The following YIPF1 variants were observed in gnomAD, a reference collection of about 807,000 sequenced individuals.
The protein encoded by YIPF1 is Yip1 domain family member 1.
A neutral mutation model predicts 37.0 loss-of-function variants in YIPF1; 22 were observed. That is an observed-to-expected ratio of 0.59 (90% CI 0.42 to 0.85). YIPF1 has a LOEUF of 0.85. Ranked by LOEUF, YIPF1 falls within the 40% of genes least tolerant of loss-of-function variation. The pLI, the probability that YIPF1 is intolerant of heterozygous loss-of-function variation, is 0.00. For synonymous variants in YIPF1, 128 were observed against 131.9 expected (o/e 0.97, Z 0.21); for missense variants, 355 against 373.1 (o/e 0.95, Z 0.40).
intron 7 of YIPF1, among the ~76,000 whole-genome samples, chr1:53,868,380 C>T (rs1177084852): frequency 2.0e-5 from 3 of 152,162 alleles, no homozygotes; most frequent in Admixed American, 2.0e-4. Flanking sequence ...GGGTAAGTTA[C>T]TTAACCTTCC....
intron 3 of YIPF1, among the ~76,000 whole-genome samples, chr1:53,887,417 G>T (rs1168297469): frequency 6.6e-6 from 1 of 151,868 alleles, no homozygotes; most frequent in Admixed American, 6.6e-5. Flanking sequence ...CTACTGGAAG[G>T]TTCTGAAAGA....
chr1:53,871,281 A>T, intron 7 of YIPF1, 91 bp downstream of exon 7: 1 of 1,091,628 alleles, frequency 9.2e-7, no homozygotes, highest in Non-Finnish European at 1.4e-6. Flanking sequence ...GGGCTGCAGC[A>T]TCTAGAGATG....
intron 7 of YIPF1, among the ~76,000 whole-genome samples, chr1:53,869,200 A>G (rs1286525284): frequency 6.6e-6 from 1 of 151,408 alleles, no homozygotes; most frequent in Admixed American, 6.6e-5. Context: ...AGGCAAATAC[A>G]TATCTTTCTA....
intron 4 of YIPF1, among the ~76,000 whole-genome samples, chr1:53,882,561 A>G (rs1028092456): frequency 5.9e-5 from 9 of 151,954 alleles, no homozygotes; most frequent in Non-Finnish European, 8.8e-5. Context: ...AAGCTCAAGC[A>G]ATCCTCCCAC....
chr1:53,866,461 C>G lies in YIPF1; in HGVS notation c.649-79G>C, dbSNP rs1052848419. ...CCAGGCACATATGTTTACAAAGGCC[C>G]CTGAGCCAATCAGCAGCTGGGCCCC... On this transcript the variant is annotated intron_variant, in intron 8 of 10. Transcript: ENST00000072644. 4 of 1,475,952 alleles carry G rather than the reference C, an allele frequency of 2.7e-6. No homozygotes were observed. The African/African-American group carries it at 5.6e-5, about 21-fold the overall frequency. The allele number at this position is 1,475,952 out of a possible 1,614,324, so 91.4% of individuals were successfully genotyped here. A position where few individuals can be genotyped will look rare whatever the true frequency, so the allele number is the denominator to read the frequency against.
At chr1:53,885,738 T>G (rs1650632115) in intron 3 of YIPF1, among the ~76,000 whole-genome samples, 1 of 149,366 alleles carries the variant, frequency 6.7e-6, no homozygotes, top group Admixed American at 6.7e-5. Context: ...CAAGAATCGC[T>G]TGAAATGGGA....
At chr1:53,872,706 G>A (rs1295193163) in intron 6 of YIPF1, among the ~76,000 whole-genome samples, 2 of 152,298 alleles carry the variant, frequency 1.3e-5, no homozygotes, top group African/African-American at 2.4e-5. Context: ...TCATAGGTGA[G>A]ATGACTAGCA....
chr1:53,860,295 C>T (rs1649836342), intron 9 of YIPF1, 142 bp from the exon 10 acceptor site: 1 of 731,650 alleles, frequency 1.4e-6, no homozygotes, highest in Admixed American at 2.8e-5. Context: ...CACTAAACTA[C>T]AACCATCTCT....
intron 6 of YIPF1, among the ~76,000 whole-genome samples, chr1:53,874,519 C>T (rs1650284835): frequency 6.6e-6 from 1 of 152,124 alleles, no homozygotes; most frequent in Non-Finnish European, 1.5e-5. Flanking sequence ...ATAATCCCAG[C>T]ACTTTGGGAG....
At chr1:53,876,904 T>C (rs1054645690) in intron 6 of YIPF1, among the ~76,000 whole-genome samples, 6 of 152,206 alleles carry the variant, frequency 3.9e-5, no homozygotes, top group Non-Finnish European at 7.3e-5. Context: ...ATCTCAGTTT[T>C]CTCTTTTGTA....
rs1209091408 is a variant in YIPF1, at chr1:53,852,207, C to T, written c.*72G>A. 2 of 152,182 alleles carry T rather than the reference C, an allele frequency of 1.3e-5. No homozygotes were observed. The highest frequency in any genetic ancestry group is 2.9e-5 in the Non-Finnish European group (2 of 68,046). The allele number at this position is 152,182 out of a possible 1,614,324, so 9.4% of individuals were successfully genotyped here. ...CTCCATCAGTTCTGCTGGCTCTGCT[C>T]ATTCTGCTTTCCTGCAGTGGATGCC... is the stretch of plus-strand genomic sequence containing the variant. On this transcript the variant is annotated 3_prime_UTR_variant, in exon 11 of 11. Transcript: ENST00000072644.
At chr1:53,869,656 G>C (rs1381545957) in intron 7 of YIPF1, among the ~76,000 whole-genome samples, 4 of 152,280 alleles carry the variant, frequency 2.6e-5, no homozygotes, top group Non-Finnish European at 2.9e-5. Flanking sequence ...AAGTGGTACA[G>C]GCCAATCTCC....
intron 8 of YIPF1, 93 bp downstream of exon 8, chr1:53,866,665 C>T: frequency 7.0e-7 from 1 of 1,437,906 alleles, no homozygotes; most frequent in Non-Finnish European, 9.4e-7. Flanking sequence ...GAGTATTGCG[C>T]TGGAAATAAT....
At chr1:53,867,521 C>T (rs572927151) in intron 7 of YIPF1, among the ~76,000 whole-genome samples, 24 of 151,984 alleles carry the variant, frequency 1.6e-4, no homozygotes, top group African/African-American at 5.1e-4. Flanking sequence ...TACAGGCGCC[C>T]GCCACCACAT....
rs758521294 is a variant in YIPF1 at position 53,878,351 on chromosome 1, CAA to C, written c.326_327del (p.Phe109CysfsTer28). 1.6e-5 allele frequency: 26 copies of C among 1,613,974 alleles called. No homozygotes were observed. Among genetic ancestry groups the C allele is most frequent in the Non-Finnish European group, 2.0e-5 (24 of 1,179,994 alleles). On this transcript the variant is annotated frameshift_variant, in exon 6 of 11. Coordinates refer to ENST00000072644, the MANE Select transcript of YIPF1 (RefSeq NM_018982.5). LOFTEE classifies it high-confidence loss of function. ...GSLLPIPGKN[F>X]VRLYIRSNPD... ...GGATTGCTGCGGATATATAACCTCA[CAA>C]AGTTTTTCCCGGGTATTGGCAAAAG...
chr1:53,878,047 G>A (rs1265797950), intron 6 of YIPF1, among the ~76,000 whole-genome samples: 1 of 152,194 alleles, frequency 6.6e-6, no homozygotes, highest in African/African-American at 2.4e-5. Flanking sequence ...CTTCCAAAGT[G>A]CTGGGATTAT....
chr1:53,860,389 C>T (rs1182738329), intron 9 of YIPF1, among the ~76,000 whole-genome samples: 1 of 152,146 alleles, frequency 6.6e-6, no homozygotes. Context: ...ACATGACTTA[C>T]TCTTAATAAC....
rs192874562 is a variant in YIPF1, at chr1:53,871,582, T to C, written c.365-94A>G. Reference sequence around the variant, plus strand: ...TCTTATCTTCCTCTTGTATTCATGTTAGCAAAAGAAAATGAATTTTCTAGA... The same window carrying C: ...TCTTATCTTCCTCTTGTATTCATGTCAGCAAAAGAAAATGAATTTTCTAGA... On this transcript the variant is annotated intron_variant, in intron 6 of 10. Coordinates refer to ENST00000072644, the MANE Select transcript of YIPF1 (RefSeq NM_018982.5). 4 of 1,084,710 alleles carry C rather than the reference T, an allele frequency of 3.7e-6. No homozygotes were observed. The African/African-American group carries it at 4.8e-5, about 13-fold the overall frequency. 67.2% of individuals were successfully genotyped at this position (1,084,710 alleles called of 1,614,324 possible).
intron 4 of YIPF1, among the ~76,000 whole-genome samples, chr1:53,882,460 T>G (rs1265725397): frequency 6.6e-6 from 1 of 152,060 alleles, no homozygotes; most frequent in Non-Finnish European, 1.5e-5. Flanking sequence ...TCCTTTTTTT[T>G]TTTTTCTTTC....
Sources: gnomAD v4.1 joint callset for allele counts (sites outside exome capture counted in the v4.1 genomes callset) on GRCh38, gnomAD v4.1.1 for gene constraint, MANE v1.5 for transcripts, NCBI Gene and HGNC (gene_info 2026-07-23, HGNC 2026-07-21) for gene names.